The following ODF2L variants were observed in gnomAD, a reference collection of about 807,000 sequenced individuals.
The protein encoded by ODF2L is outer dense fiber of sperm tails 2 like.
ODF2L carries 76 observed loss-of-function variants against 86.3 expected under a neutral mutation model. The ratio of observed to expected loss-of-function variants is 0.88; its 90% CI spans 0.73 to 1.07. The LOEUF is 1.07. ODF2L is among the 50% of genes least tolerant of loss of function. ODF2L has a pLI of 0.00. For synonymous variants in ODF2L, 241 were observed against 231.3 expected (o/e 1.04, Z -0.38); for missense variants, 748 against 717.4 (o/e 1.04, Z -0.49).
intron 1 of ODF2L, among the ~76,000 whole-genome samples, chr1:86,392,254 C>A (rs1180672501): frequency 6.6e-6 from 1 of 152,126 alleles, no homozygotes; most frequent in Non-Finnish European, 1.5e-5. Flanking sequence ...ACTAGTACAA[C>A]CGCTATGGAA....
At chr1:86,359,580 T>C (rs895357169) in intron 12 of ODF2L, among the ~76,000 whole-genome samples, 5 of 148,258 alleles carry the variant, frequency 3.4e-5, no homozygotes, top group Non-Finnish European at 7.4e-5. Context: ...TGGGAGCACA[T>C]TGGTGCAGTC....
chr1:86,387,891 G>A (rs1191042994), intron 1 of ODF2L, among the ~76,000 whole-genome samples: 1 of 151,910 alleles, frequency 6.6e-6, no homozygotes, highest in Non-Finnish European at 1.5e-5. Flanking sequence ...TTACCTCCTT[G>A]TAATTTAGTT....
At chr1:86,387,393 A>T (rs1189184517) in intron 1 of ODF2L, among the ~76,000 whole-genome samples, 1 of 152,184 alleles carries the variant, frequency 6.6e-6, no homozygotes, top group Non-Finnish European at 1.5e-5. Context: ...ACCCAGCAGG[A>T]CTATAAAACA....
At chr1:86,367,282 A>G (rs1330681118) in intron 11 of ODF2L, among the ~76,000 whole-genome samples, 1 of 152,194 alleles carries the variant, frequency 6.6e-6, no homozygotes, top group African/African-American at 2.4e-5. Context: ...GACATGTAAG[A>G]CTATTTTAAT....
intron 7 of ODF2L, among the ~76,000 whole-genome samples, chr1:86,381,221 C>G (rs1660562744): frequency 6.6e-6 from 1 of 152,174 alleles, no homozygotes; most frequent in East Asian, 1.9e-4. Flanking sequence ...TCCAAATTAT[C>G]ATGGTTATAA....
chr1:86,362,146 AAGG>A (rs1278097708), intron 11 of ODF2L, among the ~76,000 whole-genome samples: 1 of 152,034 alleles, frequency 6.6e-6, no homozygotes, highest in African/African-American at 2.4e-5. Context: ...GGAAGAGTGG[AAGG>A]AGATGAGAGT....
At chr1:86,380,526 T>C (rs1204341880) in intron 7 of ODF2L, among the ~76,000 whole-genome samples, 9 of 152,090 alleles carry the variant, frequency 5.9e-5, no homozygotes. Flanking sequence ...ACATAGAAAC[T>C]AAATTTTCTT....
At chr1:86,366,950 A>G (rs774018411) in intron 11 of ODF2L, among the ~76,000 whole-genome samples, 3 of 152,262 alleles carry the variant, frequency 2.0e-5, no homozygotes, top group Non-Finnish European at 4.4e-5. Flanking sequence ...AATTTTCCAG[A>G]GGTAAAGGAC....
chr1:86,356,582 A>G, exon 14 of ODF2L: 1 of 1,613,698 alleles, frequency 6.2e-7, no homozygotes, highest in Non-Finnish European at 8.5e-7. Flanking sequence ...CCTTCAGATG[A>G]GACTCCATCT....
intron 1 of ODF2L, among the ~76,000 whole-genome samples, chr1:86,391,046 TAATC>T (rs1307993576): frequency 1.3e-5 from 2 of 152,118 alleles, no homozygotes; most frequent in African/African-American, 4.8e-5. Context: ...ACCACGCTGA[TAATC>T]AAATCAAGAA....
chr1:86,384,766 T>C, exon 4 of ODF2L: 2 of 1,523,900 alleles, frequency 1.3e-6, no homozygotes, highest in South Asian at 2.6e-5. Context: ...TTTCCTTCTG[T>C]TCAGAAATCT....
At chr1:86,357,948 T>C in intron 13 of ODF2L, 1 of 985,364 alleles carries the variant, frequency 1.0e-6, no homozygotes, top group Non-Finnish European at 1.2e-6. Flanking sequence ...AGACATGAAA[T>C]GGTTTATTCG....
intron 12 of ODF2L, among the ~76,000 whole-genome samples, chr1:86,359,331 A>T (rs1011156514): frequency 6.6e-6 from 1 of 151,960 alleles, no homozygotes; most frequent in African/African-American, 2.4e-5. Context: ...CCAAATAACC[A>T]GCTGGAAGAC....
intron 11 of ODF2L, among the ~76,000 whole-genome samples, chr1:86,367,280 A>G (rs1659505889): frequency 6.6e-6 from 1 of 152,208 alleles, no homozygotes; most frequent in Non-Finnish European, 1.5e-5. Context: ...TAGACATGTA[A>G]GACTATTTTA....
At chr1:86,361,013 A>T (rs930306600) in intron 11 of ODF2L, 3 of 152,250 alleles carry the variant, frequency 2.0e-5, no homozygotes, top group African/African-American at 7.2e-5. Flanking sequence ...GAATTAAATA[A>T]AAACTTTAAA....
intron 1 of ODF2L, among the ~76,000 whole-genome samples, chr1:86,395,283 A>C (rs929195570): frequency 2.0e-5 from 3 of 152,208 alleles, no homozygotes; most frequent in African/African-American, 7.2e-5. Flanking sequence ...CAGCAGCCCC[A>C]GTATGGTTAT....
intron 11 of ODF2L, among the ~76,000 whole-genome samples, chr1:86,362,848 C>G (rs1257414291): frequency 6.6e-6 from 1 of 152,062 alleles, no homozygotes; most frequent in Admixed American, 6.5e-5. Context: ...TTAGTAGAGA[C>G]AGGGTTTCAC....
intron 12 of ODF2L, 147 bp from the exon 12 acceptor site, chr1:86,359,038 T>A (rs1449189180): frequency 2.1e-6 from 1 of 485,550 alleles, no homozygotes; most frequent in Non-Finnish European, 3.6e-6. Flanking sequence ...CTTCTTTAAA[T>A]ATGGAATCAC....
chr1:86,351,693 A>G (rs1658148525), exon 18 of ODF2L: 1 of 162,418 alleles, frequency 6.2e-6, no homozygotes, highest in South Asian at 2.0e-4. Flanking sequence ...GAGTATAGCC[A>G]TTTTCATGAT....
Sources: allele counts gnomAD v4.1 joint callset (sites outside exome capture counted in the v4.1 genomes callset), GRCh38; gene constraint gnomAD v4.1.1; transcripts MANE v1.5; gene names NCBI Gene and HGNC (gene_info 2026-07-23, HGNC 2026-07-21).